The following EXOC6 variants were observed in gnomAD, a reference collection of about 807,000 sequenced individuals.
EXOC6 encodes the protein exocyst complex component 6.
EXOC6 carries 60 observed loss-of-function variants against 112.5 expected under a neutral mutation model. The ratio of observed to expected loss-of-function variants is 0.53; its 90% CI spans 0.43 to 0.66. The LOEUF (loss-of-function observed/expected upper bound fraction) is 0.66. Ranked by LOEUF, EXOC6 falls within the 30% of genes least tolerant of loss-of-function variation. The pLI is 0.00. For missense variants in EXOC6, 855 were observed against 957.1 expected (o/e 0.89, Z 1.41); for synonymous variants, 295 against 308.0 (o/e 0.96, Z 0.44).
At chr10:92,901,834 C>G in intron 5 of EXOC6, 1 of 93,808 alleles carries the variant, frequency 1.1e-5, no homozygotes, top group South Asian at 4.4e-4. Flanking sequence ...CCCATCTCTA[C>G]TGAAAAAAAA....
chr10:92,997,354 C>A, intron 18 of EXOC6, 120 bp from the exon 19 acceptor site: 1 of 779,172 alleles, frequency 1.3e-6, no homozygotes, highest in Non-Finnish European at 1.9e-6. Flanking sequence ...GGAAAGTAAC[C>A]ACTATTGTAC....
At chr10:92,863,880 A>G (rs1482084241) in intron 1 of EXOC6, among the ~76,000 whole-genome samples, 1 of 148,764 alleles carries the variant, frequency 6.7e-6, no homozygotes, top group African/African-American at 2.5e-5. Context: ...GCGCCACTGC[A>G]CTCCAGCCTG....
Position 92,965,854 on chromosome 10 carries a change from A to T in EXOC6, c.1774-8199A>T, listed in dbSNP as rs17108028. 1.1e-3 allele frequency among the ~76,000 whole-genome samples: 166 copies of T among 152,282 alleles called. No homozygotes were observed. In the East Asian group the frequency reaches 0.025, roughly 23 times the overall value. Reference sequence around the variant, plus strand: ...TTTGTCTGGATTATAAAATAAGCAGAATTCTTAGTCCTTAGAAAAGTCCTT... The same window carrying T: ...TTTGTCTGGATTATAAAATAAGCAGTATTCTTAGTCCTTAGAAAAGTCCTT... On this transcript the variant is annotated intron_variant, in intron 17 of 21. Transcript: ENST00000260762.
chr10:92,934,566 A>AC (rs1741023644), intron 11 of EXOC6, 136 bp downstream of exon 11: 4 of 710,164 alleles, frequency 5.6e-6, no homozygotes, highest in Admixed American at 7.4e-5. Context: ...GGAAGTAGTA[A>AC]TGTCAGGCTT....
Position 93,051,883 on chromosome 10 carries a change from TCTC to T in EXOC6, c.2170-5038_2170-5036del, listed in dbSNP as rs1156829475. Among the ~76,000 whole-genome samples the T allele has an allele frequency of 2.6e-5, 4 of 152,130 alleles. No individual in the cohort carries two copies. The South Asian group carries it at 6.2e-4, about 24-fold the overall frequency. ...CTTTTTGGAGGCAAAGGAAAAATGA[TCTC>T]CTGGTTTACTTTTGGAATCTGCAAA... On this transcript the variant is annotated intron_variant, in intron 20 of 21. Transcript: ENST00000260762.
At chr10:92,911,453 G>A (rs1460331888) in intron 6 of EXOC6, among the ~76,000 whole-genome samples, 7 of 152,190 alleles carry the variant, frequency 4.6e-5, no homozygotes, top group African/African-American at 1.7e-4. Context: ...GCCAACAGTA[G>A]TTTAAAGTTC....
chr10:93,018,023 A>G (rs1440128556), intron 20 of EXOC6, among the ~76,000 whole-genome samples: 1 of 151,562 alleles, frequency 6.6e-6, no homozygotes, highest in Non-Finnish European at 1.5e-5. Flanking sequence ...AAAAAAAAAA[A>G]AAGAAATAAA....
At chr10:92,977,254 C>T (rs528624874) in intron 18 of EXOC6, among the ~76,000 whole-genome samples, 97 of 147,424 alleles carry the variant, frequency 6.6e-4, no homozygotes, top group African/African-American at 2.2e-3. Flanking sequence ...ACCATCCTCT[C>T]TCTGCTTGGA....
At chr10:93,012,200 T>C (rs1369308227) in intron 19 of EXOC6, among the ~76,000 whole-genome samples, 1 of 152,162 alleles carries the variant, frequency 6.6e-6, no homozygotes, top group Non-Finnish European at 1.5e-5. Context: ...TAGACATAAT[T>C]CTAGTAATTG....
At chr10:92,837,839 A>G (rs1432410510) in intron 1 of EXOC6, among the ~76,000 whole-genome samples, 1 of 152,230 alleles carries the variant, frequency 6.6e-6, no homozygotes. Flanking sequence ...ATTCCCAGGG[A>G]AAAGCTTACA....
chr10:92,873,036 T>C (rs1848523741), intron 1 of EXOC6, among the ~76,000 whole-genome samples: 1 of 152,208 alleles, frequency 6.6e-6, no homozygotes, highest in Non-Finnish European at 1.5e-5. Flanking sequence ...ATTAATCTAC[T>C]TGTTTAAACT....
At chr10:92,973,451 C>G (rs533502074) in intron 17 of EXOC6, among the ~76,000 whole-genome samples, 1 of 152,182 alleles carries the variant, frequency 6.6e-6, no homozygotes, top group Non-Finnish European at 1.5e-5. Flanking sequence ...TTTCAGAGTT[C>G]TGAAAAGGTT....
At chr10:92,929,095 C>T (rs1038094600) in intron 9 of EXOC6, among the ~76,000 whole-genome samples, 1 of 152,168 alleles carries the variant, frequency 6.6e-6, no homozygotes, top group African/African-American at 2.4e-5. Flanking sequence ...CCAGAGCCCA[C>T]CCAAAGTAGG....
In EXOC6 at chr10:93,014,104, AT is replaced by A. The variant is rs557296016; in HGVS notation, c.2096-87del. The stretch of plus-strand genomic sequence containing the variant: ...TGATTATGTGTAAATATTATAATGC[AT>A]TTATAATGAGTAGAAATTAATTTAT... On this transcript the variant is annotated intron_variant, in intron 19 of 21. Coordinates refer to ENST00000260762, the MANE Select transcript of EXOC6 (RefSeq NM_019053.6). 4.2e-3 allele frequency: 3,856 copies of A among 927,122 alleles called. 24 individuals are homozygous for A. Among genetic ancestry groups the A allele is most frequent in the Non-Finnish European group, 5.6e-3 (3,340 of 601,280 alleles). 57.4% of individuals were successfully genotyped at this position (927,122 alleles called of 1,614,324 possible).
chr10:92,991,777 T>C (rs1025642999), intron 18 of EXOC6, among the ~76,000 whole-genome samples: 4 of 151,764 alleles, frequency 2.6e-5, no homozygotes, highest in African/African-American at 4.8e-5. Context: ...GTCTTAAGAG[T>C]AGACATTTCT....
intron 1 of EXOC6, among the ~76,000 whole-genome samples, chr10:92,853,674 G>A (rs1278309262): frequency 2.6e-5 from 4 of 152,116 alleles, no homozygotes; most frequent in Admixed American, 1.3e-4. Flanking sequence ...TGGAAAAATT[G>A]GATATCCTTA....
chr10:93,023,420 A>T (rs1271832194), intron 20 of EXOC6, among the ~76,000 whole-genome samples: 1 of 152,186 alleles, frequency 6.6e-6, no homozygotes, highest in African/African-American at 2.4e-5. Context: ...AAAAGACTTT[A>T]TCATCCTGCC....
intron 19 of EXOC6, among the ~76,000 whole-genome samples, chr10:93,010,765 G>A (rs145056594): frequency 6.9e-4 from 105 of 151,256 alleles, no homozygotes; most frequent in African/African-American, 2.4e-3. Context: ...ACTGTTGGAC[G>A]TGTTTCAAAG....
At chr10:92,832,282 A>T (rs1162776864), upstream of EXOC6, among the ~76,000 whole-genome samples, 1 of 151,870 alleles carries the variant, frequency 6.6e-6, no homozygotes, top group Non-Finnish European at 1.5e-5. Context: ...CAAGGTGTAT[A>T]CTCTTTTTTT....
Sources: allele counts gnomAD v4.1 joint callset (sites outside exome capture counted in the v4.1 genomes callset), GRCh38; gene constraint gnomAD v4.1.1; transcripts MANE v1.5; gene names NCBI Gene and HGNC (gene_info 2026-07-23, HGNC 2026-07-21).